TYR: variants seen among roughly 807,000 people sequenced by gnomAD.
The protein encoded by TYR is tyrosinase, also known as LB24-AB.
Under a neutral mutation model 51.5 loss-of-function variants are expected in TYR, and 58 were observed. The observed-to-expected ratio is 1.13, with a 90% CI of 0.91 to 1.40. The LOEUF (loss-of-function observed/expected upper bound fraction) is 1.40. TYR is among the 40% of genes most tolerant of loss of function. The pLI, the probability that TYR is intolerant of heterozygous loss-of-function variation, is 0.00. For missense variants in TYR, 732 were observed against 647.4 expected, an observed-to-expected ratio of 1.13 and a Z score of -1.42; for synonymous variants, 263 against 235.2, an observed-to-expected ratio of 1.12 and a Z score of -1.08.
intron 2 of TYR, among the ~76,000 whole-genome samples, chr11:89,216,486 T>C (rs1376827134): frequency 1.3e-5 from 2 of 151,728 alleles, no homozygotes; most frequent in South Asian, 2.1e-4. Flanking sequence ...ACCCCATCTC[T>C]ACTAAAAATA....
At chr11:89,234,797 T>A (rs1944089947) in intron 3 of TYR, among the ~76,000 whole-genome samples, 1 of 152,108 alleles carries the variant, frequency 6.6e-6, no homozygotes, top group Non-Finnish European at 1.5e-5. Flanking sequence ...ACGTCAAAGA[T>A]TTCTGGTCAC....
At chr11:89,197,139 A>ACT (rs1943530154) in intron 2 of TYR, among the ~76,000 whole-genome samples, 1 of 152,178 alleles carries the variant, frequency 6.6e-6, no homozygotes, top group South Asian at 2.1e-4. Flanking sequence ...AGAGGGAACA[A>ACT]CATATGCAAT....
intron 3 of TYR, among the ~76,000 whole-genome samples, chr11:89,271,314 G>A (rs1178320165): frequency 8.6e-5 from 13 of 151,458 alleles, no homozygotes; most frequent in East Asian, 5.9e-4. Context: ...GTTTGGCTTC[G>A]GACCACCACA....
chr11:89,247,235 C>G (rs1395809690), intron 3 of TYR, among the ~76,000 whole-genome samples: 1 of 152,132 alleles, frequency 6.6e-6, no homozygotes, highest in Non-Finnish European at 1.5e-5. Flanking sequence ...ATCATGGGTT[C>G]GTGGCAGACA....
At chr11:89,205,861 T>C (rs947884321) in intron 2 of TYR, among the ~76,000 whole-genome samples, 1 of 152,116 alleles carries the variant, frequency 6.6e-6, no homozygotes, top group African/African-American at 2.4e-5. Context: ...GAAACAAAAA[T>C]AAAATTTTAT....
chr11:89,216,881 T>C (rs910622957), intron 2 of TYR, among the ~76,000 whole-genome samples: 2 of 152,116 alleles, frequency 1.3e-5, no homozygotes, highest in East Asian at 1.9e-4. Flanking sequence ...AAAGGAATTA[T>C]TTAGAAGTGT....
chr11:89,226,589 G>T (rs1004415497), intron 2 of TYR, among the ~76,000 whole-genome samples: 3 of 152,004 alleles, frequency 2.0e-5, no homozygotes, highest in Non-Finnish European at 4.4e-5. Flanking sequence ...TACCCGAAGG[G>T]GCAGAAACAC....
At chr11:89,282,698 T>C (rs1341090019) in intron 3 of TYR, among the ~76,000 whole-genome samples, 2 of 151,816 alleles carry the variant, frequency 1.3e-5, no homozygotes, top group African/African-American at 2.4e-5. Flanking sequence ...ATTTCTTCTG[T>C]TGAGGAAACT....
chr11:89,209,415 G>A (rs975036875), intron 2 of TYR, among the ~76,000 whole-genome samples: 1 of 152,162 alleles, frequency 6.6e-6, no homozygotes, highest in Admixed American at 6.5e-5. Context: ...TGAGGCTTGA[G>A]TAGGCGATTC....
intron 4 of TYR, among the ~76,000 whole-genome samples, chr11:89,293,553 G>A (rs1406802821): frequency 3.3e-5 from 5 of 151,508 alleles, no homozygotes; most frequent in Non-Finnish European, 7.4e-5. Context: ...ACTACAGAAA[G>A]CTTTTATTTG....
intron 3 of TYR, among the ~76,000 whole-genome samples, chr11:89,275,939 C>T: frequency 6.6e-6 from 1 of 151,812 alleles, no homozygotes. Context: ...ATGTAGGAGA[C>T]AACTTTCAGC....
rs541463704 is a variant in TYR at position 89,284,836 on chromosome 11, A to C, written c.1248A>C (p.Ala416=). The C allele has an allele frequency of 6.2e-7, 1 of 1,611,934 alleles. No homozygotes were observed. Among genetic ancestry groups the C allele is most frequent in the African/African-American group, 1.3e-5 (1 of 74,892 alleles). ...AAGAAGTTTATCCAGAAGCCAATGC[A>C]CCCATTGGACATAACCGGGAATCCT... ...PLQEVYPEAN[A]PIGHNRESYM... Residue 416 remains alanine, a synonymous_variant, in exon 4 of 5, where the codon GCA becomes GCC. Transcript: ENST00000263321.
chr11:89,190,096 TTGATAA>T (rs1591142004), intron 1 of TYR, among the ~76,000 whole-genome samples: 1 of 152,188 alleles, frequency 6.6e-6, no homozygotes, highest in African/African-American at 2.4e-5. Context: ...TACATAATAC[TTGATAA>T]TGATAATAAA....
At chr11:89,267,875 G>A (rs998546882) in intron 3 of TYR, among the ~76,000 whole-genome samples, 2 of 151,896 alleles carry the variant, frequency 1.3e-5, no homozygotes, top group Non-Finnish European at 2.9e-5. Flanking sequence ...AAAGTGCCAA[G>A]TACAAAAGAC....
chr11:89,217,552 TC>T (rs1943848316), intron 2 of TYR, among the ~76,000 whole-genome samples: 1 of 152,218 alleles, frequency 6.6e-6, no homozygotes, highest in Non-Finnish European at 1.5e-5. Context: ...CACTACTTAT[TC>T]ACAGGGCCAC....
chr11:89,266,042 G>A (rs767351730), intron 3 of TYR, among the ~76,000 whole-genome samples: 4 of 151,930 alleles, frequency 2.6e-5, no homozygotes, highest in South Asian at 2.1e-4. Flanking sequence ...GCATTTGATC[G>A]ATCTTTTCTT....
intron 2 of TYR, among the ~76,000 whole-genome samples, chr11:89,224,183 G>T (rs1365349580): frequency 1.3e-5 from 2 of 152,062 alleles, no homozygotes; most frequent in African/African-American, 4.8e-5. Flanking sequence ...TGCATTGAGA[G>T]TGCACCATAT....
At chr11:89,220,882 TAGC>T (rs1339470853) in intron 2 of TYR, among the ~76,000 whole-genome samples, 15 of 152,210 alleles carry the variant, frequency 9.9e-5, no homozygotes, top group African/African-American at 3.6e-4. Context: ...GGTGTAGTAA[TAGC>T]AGTAATCTTT....
At chr11:89,291,936 G>A (rs1038210253) in intron 4 of TYR, among the ~76,000 whole-genome samples, 6 of 151,730 alleles carry the variant, frequency 4.0e-5, no homozygotes, top group Non-Finnish European at 8.8e-5. Context: ...CCACATCTAG[G>A]AATTTTACTG....
Sources: gnomAD v4.1 joint callset for allele counts (sites outside exome capture counted in the v4.1 genomes callset) on GRCh38, gnomAD v4.1.1 for gene constraint, MANE v1.5 for transcripts, NCBI Gene and HGNC (gene_info 2026-07-23, HGNC 2026-07-21) for gene names.